Variants in KPNA1 observed in about 807,000 individuals in gnomAD.
KPNA1 encodes importin subunit alpha-5.
A neutral mutation model predicts 70.5 loss-of-function variants in KPNA1; 10 were observed. The ratio of observed to expected loss-of-function variants is 0.14; its 90% CI spans 0.09 to 0.24. The LOEUF is 0.24. KPNA1 is among the 10% of genes least tolerant of loss of function. KPNA1 has a pLI of 1.00. For missense variants in KPNA1, 397 were observed against 637.9 expected, an observed-to-expected ratio of 0.62 and a Z score of 4.07; for synonymous variants, 192 against 221.9, an observed-to-expected ratio of 0.87 and a Z score of 1.20.
At chr3:122,451,737 A>G in intron 7 of KPNA1, 104 bp from the exon 8 acceptor site, 1 of 783,140 alleles carries the variant, frequency 1.3e-6, no homozygotes, top group South Asian at 1.8e-5. Flanking sequence ...GTCTTCAGAT[A>G]GCTTTTCTCC....
chr3:122,508,723 T>C (rs1180087396), intron 1 of KPNA1, among the ~76,000 whole-genome samples: 1 of 151,872 alleles, frequency 6.6e-6, no homozygotes, highest in African/African-American at 2.4e-5. Flanking sequence ...ACAAAAAAAA[T>C]GGCCACCAGC....
intron 2 of KPNA1, among the ~76,000 whole-genome samples, chr3:122,494,421 T>C (rs1460403454): frequency 6.6e-6 from 1 of 152,226 alleles, no homozygotes; most frequent in Non-Finnish European, 1.5e-5. Flanking sequence ...TTGCCAACTT[T>C]GTCAAAGATC....
chr3:122,487,625 G>A (rs1232912874), intron 2 of KPNA1, among the ~76,000 whole-genome samples: 1 of 152,160 alleles, frequency 6.6e-6, no homozygotes, highest in African/African-American at 2.4e-5. Flanking sequence ...GAACCTTGAA[G>A]TCATTATGCT....
intron 2 of KPNA1, among the ~76,000 whole-genome samples, chr3:122,474,002 C>T (rs2076471283): frequency 3.3e-5 from 5 of 152,024 alleles, no homozygotes. Flanking sequence ...GCAATTATAG[C>T]AAGGTTACAT....
intron 2 of KPNA1, among the ~76,000 whole-genome samples, chr3:122,479,220 A>G (rs1560044066): frequency 6.6e-6 from 1 of 152,202 alleles, no homozygotes; most frequent in Non-Finnish European, 1.5e-5. Flanking sequence ...CTTTATAGAC[A>G]CTTCACTAAA....
Position 122,424,752 on chromosome 3 carries a change from A to G in KPNA1, c.*2233T>C, listed in dbSNP as rs1480901946. 1 of 152,668 alleles carries G rather than the reference A, an allele frequency of 6.6e-6. No homozygotes were observed. The highest frequency in any genetic ancestry group is 1.5e-5 in the Non-Finnish European group (1 of 68,040). The allele number at this position is 152,668 out of a possible 1,614,324, so 9.5% of individuals were successfully genotyped here. On this transcript the variant is annotated 3_prime_UTR_variant, in exon 14 of 14. Coordinates refer to ENST00000344337, the MANE Select transcript of KPNA1 (RefSeq NM_002264.4). ...ATTTTAACTATCCAATGGAAGGTAC[A>G]TAATTTAAAACATCCTATAGAAATG...
chr3:122,437,243 G>C lies in KPNA1; in HGVS notation c.1049C>G (p.Pro350Arg). The change falls in exon 11 of 14, where the codon CCA (proline) becomes CGA (arginine). Residue 350 changes from proline to arginine, a missense_variant. Coordinates refer to ENST00000344337, the MANE Select transcript of KPNA1 (RefSeq NM_002264.4). ...TGCTTCCTTTTTGATAGATTCCTTT[G>C]GGCTACTCAGCAAATGCAATAAACT... Reference protein sequence around the residue: ...LQSLLHLLSSPKESIKKEACW... With the variant: ...LQSLLHLLSSRKESIKKEACW... The C allele has an allele frequency of 6.2e-7, 1 of 1,613,570 alleles. No individual in the cohort carries two copies. The highest frequency in any genetic ancestry group is 1.7e-4 in the Middle Eastern group (1 of 6,058).
chr3:122,424,022 C>T lies in KPNA1; in HGVS notation c.*2963G>A, dbSNP rs2107709625. 6.6e-6 allele frequency: 1 copy of T among 152,226 alleles called. No homozygotes were observed. Among genetic ancestry groups the T allele is most frequent in the East Asian group, 1.9e-4 (1 of 5,182 alleles). 9.4% of individuals were successfully genotyped at this position (152,226 alleles called of 1,614,324 possible). A position where few individuals can be genotyped will look rare whatever the true frequency, so the allele number is the denominator to read the frequency against. On this transcript the variant is annotated 3_prime_UTR_variant, in exon 14 of 14. Coordinates refer to ENST00000344337, the MANE Select transcript of KPNA1 (RefSeq NM_002264.4). ...CTCTTTCTTCTATCATCTACCTTAC[C>T]CAAAATTTCTCAATCCAACCACATC...
At chr3:122,467,682 A>G (rs1266884102) in intron 2 of KPNA1, among the ~76,000 whole-genome samples, 1 of 151,968 alleles carries the variant, frequency 6.6e-6, no homozygotes. Context: ...GTCTGACACT[A>G]TATGACATTA....
chr3:122,460,429 G>A (rs1033548183), intron 5 of KPNA1: 4 of 473,496 alleles, frequency 8.4e-6, no homozygotes, highest in African/African-American at 8.4e-5. Flanking sequence ...TTGAGGTCAG[G>A]AGTTTGAGAC....
At chr3:122,485,464 A>G (rs2076618964) in intron 2 of KPNA1, among the ~76,000 whole-genome samples, 1 of 152,214 alleles carries the variant, frequency 6.6e-6, no homozygotes, top group Non-Finnish European at 1.5e-5. Flanking sequence ...CCAAAAAAAA[A>G]AAAAAGAACC....
At chr3:122,463,653 C>T (rs2076350014) in intron 4 of KPNA1, among the ~76,000 whole-genome samples, 1 of 151,900 alleles carries the variant, frequency 6.6e-6, no homozygotes, top group South Asian at 2.1e-4. Flanking sequence ...AAAAAAAAGT[C>T]AGTCTCTCAA....
intron 3 of KPNA1, among the ~76,000 whole-genome samples, chr3:122,466,718 T>A (rs942840783): frequency 6.6e-6 from 1 of 152,158 alleles, no homozygotes; most frequent in African/African-American, 2.4e-5. Context: ...CTTTAAAGTA[T>A]CTCTTATGGC....
At chr3:122,472,702 AAGAC>A (rs1277250591) in intron 2 of KPNA1, among the ~76,000 whole-genome samples, 1 of 152,196 alleles carries the variant, frequency 6.6e-6, no homozygotes, top group African/African-American at 2.4e-5. Context: ...GACTAACAAA[AAGAC>A]AGAGGACACA....
At chr3:122,476,861 C>CA (rs144118691) in intron 2 of KPNA1, among the ~76,000 whole-genome samples, 24,106 of 66,694 alleles carry the variant, frequency 0.36, 3,858 homozygotes, top group South Asian at 0.53. Flanking sequence ...GGAGGTTCCA[C>CA]AAAAAAAAAA....
intron 2 of KPNA1, among the ~76,000 whole-genome samples, chr3:122,476,383 GA>G (rs2076497713): frequency 1.3e-5 from 2 of 152,084 alleles, no homozygotes; most frequent in Admixed American, 6.6e-5. Flanking sequence ...TTTTTGGATG[GA>G]ACCCCAAAAG....
At chr3:122,439,320 T>C (rs955397496) in intron 10 of KPNA1, among the ~76,000 whole-genome samples, 2 of 152,078 alleles carry the variant, frequency 1.3e-5, no homozygotes, top group Middle Eastern at 3.2e-3. Context: ...GTAGAGTAGG[T>C]AGGACTACAG....
At chr3:122,454,186 A>AT (rs2076242297) in intron 5 of KPNA1, among the ~76,000 whole-genome samples, 185 bp from the exon 6 acceptor site, 1 of 152,354 alleles carries the variant, frequency 6.6e-6, no homozygotes, top group South Asian at 2.1e-4. Flanking sequence ...ACCTAGAAGA[A>AT]TATTCAGGGT....
intron 5 of KPNA1, among the ~76,000 whole-genome samples, chr3:122,458,373 G>T (rs774251261): frequency 1.2e-4 from 19 of 152,152 alleles, no homozygotes; most frequent in Non-Finnish European, 2.4e-4. Flanking sequence ...CAAAATCCTA[G>T]ATTCCACCCA....
Sources: gnomAD v4.1 joint callset for allele counts (sites outside exome capture counted in the v4.1 genomes callset) on GRCh38, gnomAD v4.1.1 for gene constraint, MANE v1.5 for transcripts, NCBI Gene and HGNC (gene_info 2026-07-23, HGNC 2026-07-21) for gene names.